Variants in PHF21A observed in about 807,000 individuals in gnomAD.
PHF21A encodes the protein PHD finger protein 21A.
PHF21A carries 11 observed loss-of-function variants against 82.5 expected under a neutral mutation model. The ratio of observed to expected loss-of-function variants is 0.13; its 90% CI spans 0.08 to 0.22. The LOEUF is 0.22. PHF21A is among the 10% of genes least tolerant of loss of function. The pLI is 1.00. For synonymous variants in PHF21A, 297 were observed against 302.8 expected, an observed-to-expected ratio of 0.98 and a Z score of 0.20; for missense variants, 579 against 837.8, an observed-to-expected ratio of 0.69 and a Z score of 3.81.
At chr11:45,969,709 G>T (rs931812611) in intron 9 of PHF21A, 106 bp downstream of exon 9, 4 of 722,686 alleles carry the variant, frequency 5.5e-6, no homozygotes, top group Non-Finnish European at 9.8e-6. Flanking sequence ...AGCTAAGCGG[G>T]ATAGACAGCT....
chr11:45,946,060 A>C, intron 14 of PHF21A, 57 bp from the exon 15 acceptor site: 1 of 1,614,072 alleles, frequency 6.2e-7, no homozygotes, highest in Non-Finnish European at 8.5e-7. Context: ...GAGAGGGGGA[A>C]AATGATCTTA....
At chr11:46,103,064 C>CT (rs1335521728) in intron 1 of PHF21A, among the ~76,000 whole-genome samples, 1 of 152,200 alleles carries the variant, frequency 6.6e-6, no homozygotes, top group Non-Finnish European at 1.5e-5. Flanking sequence ...GCACCACCGG[C>CT]TGGACAGGGT....
intron 1 of PHF21A, among the ~76,000 whole-genome samples, chr11:46,096,495 C>T (rs534444897): frequency 2.6e-5 from 4 of 152,244 alleles, no homozygotes; most frequent in Non-Finnish European, 5.9e-5. Context: ...TTAAATCCAA[C>T]AGAAAATAGT....
chr11:45,945,872 G>C lies in PHF21A; in HGVS notation c.1420C>G (p.Pro474Ala). Residue 474 changes from proline (P) to alanine (A), a missense_variant, in exon 15 of 19, where the codon CCT (proline) becomes GCT (alanine). By Grantham distance (27) the Pro-to-Ala change is conservative. Coordinates refer to ENST00000676320, the MANE Select transcript of PHF21A (RefSeq NM_001352027.3). ...GAGGTGGGGCTGGGCAGGGACACAG[G>C]CTGAACAGGTGCAGGGAAAGTGAAT... ...TTFTFPAPVQ[P>A]VSLPSPTSTD... The C allele has an allele frequency of 1.2e-6, 2 of 1,604,902 alleles. No homozygotes were observed. Among genetic ancestry groups the C allele is most frequent in the Non-Finnish European group, 1.7e-6 (2 of 1,175,286 alleles).
intron 15 of PHF21A, among the ~76,000 whole-genome samples, chr11:45,939,398 C>A: frequency 6.6e-6 from 1 of 151,818 alleles, no homozygotes; most frequent in African/African-American, 2.4e-5. Flanking sequence ...TTTGCTTGCT[C>A]AAGAAGAAAA....
intron 15 of PHF21A, among the ~76,000 whole-genome samples, chr11:45,941,314 G>C (rs1222545997): frequency 2.0e-5 from 3 of 151,776 alleles, no homozygotes; most frequent in Non-Finnish European, 4.4e-5. Flanking sequence ...TACCCAGGCT[G>C]GTAAAAACTT....
At chr11:46,095,602 C>T (rs2096984857) in intron 1 of PHF21A, among the ~76,000 whole-genome samples, 1 of 152,094 alleles carries the variant, frequency 6.6e-6, no homozygotes, top group East Asian at 1.9e-4. Context: ...CTAATTAGAG[C>T]TGGTAAAGAA....
intron 6 of PHF21A, among the ~76,000 whole-genome samples, chr11:46,004,721 C>T (rs140783129): frequency 1.1e-4 from 17 of 152,188 alleles, no homozygotes; most frequent in African/African-American, 3.9e-4. Context: ...CTGTATCTGC[C>T]AGGCCTAGAA....
At chr11:45,940,397 T>C (rs749473603) in intron 15 of PHF21A, among the ~76,000 whole-genome samples, 2 of 152,142 alleles carry the variant, frequency 1.3e-5, no homozygotes, top group Non-Finnish European at 2.9e-5. Context: ...GGTTTCACCA[T>C]GTTGGTCAGG....
intron 1 of PHF21A, among the ~76,000 whole-genome samples, chr11:46,102,168 C>T (rs1230089114): frequency 6.6e-6 from 1 of 152,110 alleles, no homozygotes; most frequent in African/African-American, 2.4e-5. Flanking sequence ...GTGCTGGTAT[C>T]AAACTCCTGA....
In PHF21A at chr11:46,008,180, T is replaced by C. The variant is rs372315125; in HGVS notation, c.154-28214A>G. Among the ~76,000 whole-genome samples, 5 of 152,250 alleles carry C rather than the reference T, an allele frequency of 3.3e-5. No individual in the cohort carries two copies. The East Asian group carries it at 9.6e-4, about 29-fold the overall frequency. ...TACAATGTGTATTTGTTTACTCACA[T>C]ACGCCCATACACTCTATCATGTGAA... On this transcript the variant is annotated intron_variant, in intron 6 of 18. Coordinates refer to ENST00000676320, the MANE Select transcript of PHF21A (RefSeq NM_001352027.3).
intron 6 of PHF21A, among the ~76,000 whole-genome samples, chr11:46,002,963 T>C (rs1315661286): frequency 6.6e-6 from 1 of 152,184 alleles, no homozygotes; most frequent in Non-Finnish European, 1.5e-5. Context: ...AATGAATTAA[T>C]TGGATAAATA....
At chr11:45,964,807 G>A (rs887593269) in intron 10 of PHF21A, among the ~76,000 whole-genome samples, 1 of 152,126 alleles carries the variant, frequency 6.6e-6, no homozygotes, top group Non-Finnish European at 1.5e-5. Context: ...TAAAATATCT[G>A]CATCCTCTAA....
At position 46,002,773 on chromosome 11, in the gene PHF21A, C is replaced by A. The variant is rs114036447; in HGVS notation, c.154-22807G>T. ...TTTAGAGGCACCCCCTCAAACCCCTCCACAGAACTAGTTTTATCTTTATTC... is the reference window on the plus strand; with the variant it reads ...TTTAGAGGCACCCCCTCAAACCCCTACACAGAACTAGTTTTATCTTTATTC... On this transcript the variant is annotated intron_variant, in intron 6 of 18. Coordinates refer to ENST00000676320, the MANE Select transcript of PHF21A (RefSeq NM_001352027.3). Among the ~76,000 whole-genome samples, 1,484 of 152,188 alleles carry A rather than the reference C, an allele frequency of 9.8e-3. 19 individuals are homozygous for A. Among genetic ancestry groups the A allele is most frequent in the African/African-American group, 0.032 (1,308 of 41,514 alleles).
At chr11:46,013,064 T>G (rs919364401) in intron 6 of PHF21A, among the ~76,000 whole-genome samples, 1 of 152,178 alleles carries the variant, frequency 6.6e-6, no homozygotes, top group African/African-American at 2.4e-5. Context: ...TCCTATATAT[T>G]CACACCTATG....
intron 6 of PHF21A, among the ~76,000 whole-genome samples, chr11:46,001,327 G>A (rs886409795): frequency 4.7e-5 from 7 of 150,136 alleles, no homozygotes; most frequent in African/African-American, 1.7e-4. Context: ...CTGTCACCAG[G>A]TCCATTGACA....
At position 45,979,863 on chromosome 11, in the gene PHF21A, G is replaced by T. The variant is rs764584691; in HGVS notation, c.257C>A (p.Thr86Lys). ...TTGCTGTAGTGGTTGCTGCTGTGCT[G>T]TTTGTAGTTTGTTTTCAGATTGTGG... ...PLPQSENKLQTAQQQPLQQLQ... is the reference protein window; with the variant it reads ...PLPQSENKLQKAQQQPLQQLQ... The change falls in exon 7 of 19, where the codon ACA (threonine) becomes AAA (lysine). Residue 86 changes from threonine (T) to lysine (K), a missense_variant. By Grantham distance (78) the Thr-to-Lys change is moderately conservative. Transcript: ENST00000676320. 7 of 1,614,064 alleles carry T rather than the reference G, an allele frequency of 4.3e-6. No individual in the cohort carries two copies. Among genetic ancestry groups the T allele is most frequent in the Non-Finnish European group, 5.9e-6 (7 of 1,180,046 alleles).
At chr11:45,942,253 A>G (rs2090495446) in intron 15 of PHF21A, among the ~76,000 whole-genome samples, 1 of 152,248 alleles carries the variant, frequency 6.6e-6, no homozygotes, top group African/African-American at 2.4e-5. Flanking sequence ...AGAAGCTCTT[A>G]GTTTGTGAGT....
intron 1 of PHF21A, among the ~76,000 whole-genome samples, chr11:46,113,140 C>T (rs2097240662): frequency 6.6e-6 from 1 of 152,210 alleles, no homozygotes; most frequent in Admixed American, 6.5e-5. Context: ...AAATCAACTA[C>T]AGGTCCCAGC....
Sources: gnomAD v4.1 joint callset for allele counts (sites outside exome capture counted in the v4.1 genomes callset) on GRCh38, gnomAD v4.1.1 for gene constraint, MANE v1.5 for transcripts, NCBI Gene and HGNC (gene_info 2026-07-23, HGNC 2026-07-21) for gene names.